The following MEF2A variants were observed in gnomAD, a reference collection of about 807,000 sequenced individuals.
MEF2A encodes the protein myocyte-specific enhancer factor 2A.
Under a neutral mutation model 55.8 loss-of-function variants are expected in MEF2A, and 28 were observed. The observed-to-expected ratio is 0.50, with a 90% confidence interval of 0.37 to 0.69. The LOEUF is 0.69. Among genes scored for constraint, MEF2A ranks in the 30% least tolerant of loss-of-function variants. The pLI is 0.00. For synonymous variants in MEF2A, 239 were observed against 227.1 expected (o/e 1.05, Z -0.47); for missense variants, 528 against 626.2 (o/e 0.84, Z 1.67).
chr15:99,583,345 C>G (rs1035007812), intron 1 of MEF2A, among the ~76,000 whole-genome samples: 4 of 152,114 alleles, frequency 2.6e-5, no homozygotes, highest in African/African-American at 9.7e-5. Context: ...CAAACTTTTT[C>G]TACATTCTGG....
intron 2 of MEF2A, among the ~76,000 whole-genome samples, chr15:99,605,905 G>T (rs1268465684): frequency 6.6e-6 from 1 of 152,146 alleles, no homozygotes; most frequent in Non-Finnish European, 1.5e-5. Flanking sequence ...GGGAGGCAGA[G>T]GTTGCAGTGA....
intron 2 of MEF2A, among the ~76,000 whole-genome samples, chr15:99,618,498 C>T (rs928665791): frequency 3.3e-5 from 5 of 152,054 alleles, no homozygotes; most frequent in African/African-American, 9.7e-5. Flanking sequence ...TAAAGTACTG[C>T]GGCAATGTTA....
intron 2 of MEF2A, among the ~76,000 whole-genome samples, chr15:99,621,585 G>T (rs1049455099): frequency 2.0e-5 from 3 of 151,980 alleles, no homozygotes; most frequent in Non-Finnish European, 2.9e-5. Flanking sequence ...TTTACATTTT[G>T]TCCCTTTACT....
intron 4 of MEF2A, chr15:99,657,519 A>C (rs1407670046): frequency 6.6e-6 from 1 of 152,142 alleles, no homozygotes; most frequent in Non-Finnish European, 1.5e-5. Context: ...GGAATATGCC[A>C]GGCCAAAATT....
chr15:99,597,291 C>G (rs988039783), intron 1 of MEF2A, among the ~76,000 whole-genome samples: 5 of 152,022 alleles, frequency 3.3e-5, no homozygotes, highest in African/African-American at 1.2e-4. Flanking sequence ...CTGAACTGGC[C>G]CCCCGGGTGT....
intron 8 of MEF2A, among the ~76,000 whole-genome samples, chr15:99,693,958 CATT>C (rs1255462369): frequency 6.6e-6 from 1 of 152,192 alleles, no homozygotes; most frequent in East Asian, 1.9e-4. Context: ...TTTCTATTAA[CATT>C]AGTATGGTGT....
chr15:99,707,409 C>T (rs1382272060), intron 10 of MEF2A, among the ~76,000 whole-genome samples: 1 of 152,132 alleles, frequency 6.6e-6, no homozygotes, highest in Non-Finnish European at 1.5e-5. Flanking sequence ...GTTCTGATTT[C>T]TCCTCGGAGC....
intron 4 of MEF2A, among the ~76,000 whole-genome samples, chr15:99,663,231 T>TA (rs2048979936): frequency 2.6e-5 from 4 of 152,202 alleles, no homozygotes; most frequent in Admixed American, 2.6e-4. Flanking sequence ...TATAAGTTCT[T>TA]ATTTAAGAGC....
chr15:99,599,200 C>T (rs185527667), intron 2 of MEF2A, among the ~76,000 whole-genome samples: 40 of 152,080 alleles, frequency 2.6e-4, no homozygotes, highest in Admixed American at 2.5e-3. Flanking sequence ...CTGAATTCCA[C>T]CTTCTACTTA....
At chr15:99,710,075 G>T (rs1288580476) in intron 10 of MEF2A, among the ~76,000 whole-genome samples, 1 of 152,066 alleles carries the variant, frequency 6.6e-6, no homozygotes, top group Non-Finnish European at 1.5e-5. Context: ...CATATTTAAA[G>T]TAACAATTGT....
intron 2 of MEF2A, among the ~76,000 whole-genome samples, chr15:99,606,365 G>T (rs1322036744): frequency 6.6e-6 from 1 of 151,764 alleles, no homozygotes; most frequent in Non-Finnish European, 1.5e-5. Context: ...AATCAAAACG[G>T]CAAGTATTAA....
chr15:99,661,146 T>C (rs1025005350), intron 4 of MEF2A, among the ~76,000 whole-genome samples: 3 of 152,166 alleles, frequency 2.0e-5, no homozygotes. Flanking sequence ...TAAGCAGTGG[T>C]ATAGGGACAA....
At chr15:99,572,914 T>C (rs1596199649) in intron 1 of MEF2A, among the ~76,000 whole-genome samples, 1 of 152,240 alleles carries the variant, frequency 6.6e-6, no homozygotes, top group East Asian at 1.9e-4. Context: ...ACCAGCTGGC[T>C]CTTTTGTGTG....
intron 8 of MEF2A, among the ~76,000 whole-genome samples, chr15:99,695,541 T>TTGTGTTTGTGTGTGTGTGTGTG (rs1555498138): frequency 7.6e-5 from 11 of 144,778 alleles, no homozygotes; most frequent in Non-Finnish European, 1.5e-5. Flanking sequence ...ATTGTCAGAT[T>TTGTGTTTGTGTGTGTGTGTGTG]TGTGTGTGTG....
At chr15:99,608,837 G>T (rs1448154795) in intron 2 of MEF2A, among the ~76,000 whole-genome samples, 1 of 151,972 alleles carries the variant, frequency 6.6e-6, no homozygotes, top group East Asian at 1.9e-4. Flanking sequence ...AGATGTGGAG[G>T]TTGCAGTGAG....
At chr15:99,641,613 C>T (rs1368615777) in intron 3 of MEF2A, among the ~76,000 whole-genome samples, 1 of 152,072 alleles carries the variant, frequency 6.6e-6, no homozygotes, top group African/African-American at 2.4e-5. Flanking sequence ...GTCCCAGCTA[C>T]TCGGGAGGCT....
chr15:99,645,081 TG>T (rs1454269794), intron 3 of MEF2A, among the ~76,000 whole-genome samples: 1 of 152,172 alleles, frequency 6.6e-6, no homozygotes, highest in Non-Finnish European at 1.5e-5. Flanking sequence ...TTGAGGACTT[TG>T]GGGAATTTGC....
At chr15:99,602,653 G>GGTGGGTGTGT (rs1555454714) in intron 2 of MEF2A, among the ~76,000 whole-genome samples, 21 of 44,838 alleles carry the variant, frequency 4.7e-4, no homozygotes, top group South Asian at 1.2e-3. Context: ...ACATTCCTGG[G>GGTGGGTGTGT]GTGTGTGTGT....
At chr15:99,628,517 T>C (rs943366229) in intron 2 of MEF2A, among the ~76,000 whole-genome samples, 5 of 152,200 alleles carry the variant, frequency 3.3e-5, no homozygotes, top group Non-Finnish European at 7.3e-5. Flanking sequence ...TTCTTTTGGG[T>C]TATTTATTAA....
Sources: allele counts gnomAD v4.1 joint callset (sites outside exome capture counted in the v4.1 genomes callset), GRCh38; gene constraint gnomAD v4.1.1; transcripts MANE v1.5; gene names NCBI Gene and HGNC (gene_info 2026-07-23, HGNC 2026-07-21).